Variants in RNGTT observed in about 807,000 individuals in gnomAD.
The protein encoded by RNGTT is mRNA-capping enzyme.
RNGTT carries 33 observed loss-of-function variants against 79.3 expected under a neutral mutation model. That is an observed-to-expected ratio of 0.42 (90% CI 0.32 to 0.56). The LOEUF (loss-of-function observed/expected upper bound fraction) is 0.56. Among genes scored for constraint, RNGTT ranks in the 20% least tolerant of loss-of-function variants. The probability of loss-of-function intolerance (pLI) is 0.17; values close to 1 mark genes in which losing one functional copy is unlikely to be tolerated. For synonymous variants in RNGTT, 222 were observed against 235.9 expected, an observed-to-expected ratio of 0.94 and a Z score of 0.54; for missense variants, 497 against 739.1, an observed-to-expected ratio of 0.67 and a Z score of 3.80.
chr6:88,713,946 C>T (rs984607193), intron 13 of RNGTT, among the ~76,000 whole-genome samples: 1 of 152,072 alleles, frequency 6.6e-6, no homozygotes, highest in South Asian at 2.1e-4. Flanking sequence ...GTTACGGGCA[C>T]GGTCTATTGG....
At chr6:88,750,295 T>TGA (rs960286139) in intron 13 of RNGTT, among the ~76,000 whole-genome samples, 13 of 152,016 alleles carry the variant, frequency 8.6e-5, no homozygotes, top group Non-Finnish European at 1.8e-4. Context: ...TAGTAACTAG[T>TGA]GAGAGCAAGG....
chr6:88,775,828 T>C (rs1049948762), intron 12 of RNGTT, among the ~76,000 whole-genome samples: 1 of 152,214 alleles, frequency 6.6e-6, no homozygotes, highest in African/African-American at 2.4e-5. Flanking sequence ...TCTTGCTTAG[T>C]ACAATGCCCT....
intron 10 of RNGTT, 128 bp from the exon 11 acceptor site, chr6:88,844,649 G>C (rs1223745923): frequency 1.3e-6 from 1 of 795,774 alleles, no homozygotes; most frequent in Non-Finnish European, 2.0e-6. Context: ...TCAGTGCACA[G>C]CGTGCACAAA....
chr6:88,830,269 C>A (rs1562274377), intron 11 of RNGTT, among the ~76,000 whole-genome samples: 1 of 152,146 alleles, frequency 6.6e-6, no homozygotes, highest in Non-Finnish European at 1.5e-5. Flanking sequence ...GGAAACTGAA[C>A]AACCTGCTCC....
chr6:88,645,179 C>T (rs1562167459), intron 14 of RNGTT, among the ~76,000 whole-genome samples: 1 of 152,108 alleles, frequency 6.6e-6, no homozygotes, highest in Non-Finnish European at 1.5e-5. Context: ...AATCAACGTG[C>T]AAAAATCACA....
chr6:88,823,180 A>C (rs939064810), intron 11 of RNGTT, among the ~76,000 whole-genome samples: 6 of 152,214 alleles, frequency 3.9e-5, no homozygotes, highest in Non-Finnish European at 7.4e-5. Context: ...TAATCCCAGC[A>C]CTTTGGGAGG....
At chr6:88,800,653 G>A (rs138642311) in intron 12 of RNGTT, among the ~76,000 whole-genome samples, 2 of 152,262 alleles carry the variant, frequency 1.3e-5, no homozygotes, top group Admixed American at 6.5e-5. Context: ...AACACAAACC[G>A]CTAAACTCCA....
chr6:88,879,260 G>A (rs1221082700), intron 8 of RNGTT, among the ~76,000 whole-genome samples: 1 of 152,158 alleles, frequency 6.6e-6, no homozygotes, highest in African/African-American at 2.4e-5. Flanking sequence ...CAGGTGTGGT[G>A]GCATGCGCCT....
At chr6:88,664,525 G>A (rs890062864) in intron 14 of RNGTT, among the ~76,000 whole-genome samples, 19 of 152,312 alleles carry the variant, frequency 1.2e-4, no homozygotes, top group African/African-American at 4.6e-4. Context: ...TGCCAACCCG[G>A]TGAAATGCTG....
At chr6:88,778,733 C>G (rs1306314134) in intron 12 of RNGTT, among the ~76,000 whole-genome samples, 1 of 152,084 alleles carries the variant, frequency 6.6e-6, no homozygotes, top group African/African-American at 2.4e-5. Context: ...GAAGTCCATA[C>G]AATGACGATT....
At chr6:88,870,270 T>C (rs1422050474) in intron 8 of RNGTT, among the ~76,000 whole-genome samples, 2 of 152,088 alleles carry the variant, frequency 1.3e-5, no homozygotes, top group Admixed American at 1.3e-4. Context: ...AAAAACCAAA[T>C]GTAGTTCCTC....
At chr6:88,615,660 C>G (rs1582236307) in intron 14 of RNGTT, among the ~76,000 whole-genome samples, 1 of 152,182 alleles carries the variant, frequency 6.6e-6, no homozygotes, top group South Asian at 2.1e-4. Flanking sequence ...TAGGTAAACA[C>G]AGTTTTGCTA....
At chr6:88,759,101 T>C (rs1778119772) in intron 13 of RNGTT, among the ~76,000 whole-genome samples, 1 of 152,080 alleles carries the variant, frequency 6.6e-6, no homozygotes, top group African/African-American at 2.4e-5. Flanking sequence ...AACCATCTCT[T>C]CTGCTCATTT....
intron 11 of RNGTT, among the ~76,000 whole-genome samples, chr6:88,811,303 G>C (rs1780129144): frequency 6.6e-6 from 1 of 152,136 alleles, no homozygotes; most frequent in African/African-American, 2.4e-5. Flanking sequence ...AATAAAGCAT[G>C]ATACTTTTCA....
intron 14 of RNGTT, among the ~76,000 whole-genome samples, chr6:88,677,767 G>A (rs965991880): frequency 1.3e-5 from 2 of 151,962 alleles, no homozygotes; most frequent in African/African-American, 2.4e-5. Flanking sequence ...ATGAGCCACC[G>A]TACCCGACTT....
intron 2 of RNGTT, among the ~76,000 whole-genome samples, chr6:88,931,187 T>TAAAAAAAAAAAAAAAAAAAAA (rs34070183): frequency 6.9e-5 from 7 of 101,938 alleles, no homozygotes; most frequent in Non-Finnish European, 7.7e-5. Context: ...TATAAAGCTG[T>TAAAAAAAAAAAAAAAAAAAAA]AAAAAAAAAA....
intron 12 of RNGTT, among the ~76,000 whole-genome samples, chr6:88,777,979 T>C (rs898870560): frequency 6.6e-6 from 1 of 152,214 alleles, no homozygotes; most frequent in Non-Finnish European, 1.5e-5. Flanking sequence ...ATACCTATTT[T>C]ATTGGAAGTT....
Position 88,872,483 on chromosome 6 carries a change from T to C in RNGTT, c.896+18012A>G, listed in dbSNP as rs966816051. Among the ~76,000 whole-genome samples, 5 of 152,182 alleles carry C rather than the reference T, an allele frequency of 3.3e-5. No individual in the cohort carries two copies. The East Asian group carries it at 7.7e-4, about 23-fold the overall frequency. Reference sequence around the variant, plus strand: ...ATTTGATAGCACAATAGGGTGACTATAGTCAACAATAACTTAACTGTACTT... The same window carrying C: ...ATTTGATAGCACAATAGGGTGACTACAGTCAACAATAACTTAACTGTACTT... On this transcript the variant is annotated intron_variant, in intron 8 of 15. Coordinates refer to ENST00000369485, the MANE Select transcript of RNGTT (RefSeq NM_003800.5).
intron 14 of RNGTT, among the ~76,000 whole-genome samples, chr6:88,647,402 A>C (rs1773608161): frequency 6.6e-6 from 1 of 152,128 alleles, no homozygotes; most frequent in Non-Finnish European, 1.5e-5. Flanking sequence ...GGGTGCAATG[A>C]TCTGATTTCT....
Sources: allele counts gnomAD v4.1 joint callset (sites outside exome capture counted in the v4.1 genomes callset), GRCh38; gene constraint gnomAD v4.1.1; transcripts MANE v1.5; gene names NCBI Gene and HGNC (gene_info 2026-07-23, HGNC 2026-07-21).